Variants in AGAP1 observed in about 807,000 individuals in gnomAD.
AGAP1 encodes ArfGAP with GTPase domain, ankyrin repeat and PH domain 1.
Under a neutral mutation model 105.3 loss-of-function variants are expected in AGAP1, and 29 were observed. The observed-to-expected ratio is 0.28, with a 90% CI of 0.21 to 0.38. The LOEUF (loss-of-function observed/expected upper bound fraction) is 0.38. AGAP1 is among the 10% of genes least tolerant of loss of function. AGAP1 has a pLI of 1.00. For missense variants in AGAP1, 998 were observed against 1,165.1 expected (o/e 0.86, Z 2.09); for synonymous variants, 509 against 485.9 (o/e 1.05, Z -0.63).
intron 1 of AGAP1, among the ~76,000 whole-genome samples, chr2:235,511,918 GT>G (rs1271619360): frequency 6.6e-6 from 1 of 151,250 alleles, no homozygotes; most frequent in East Asian, 2.0e-4. Context: ...ATGTGGATGT[GT>G]GTGAATGTGT....
rs1167936281 is a variant in AGAP1 at position 236,050,877 on chromosome 2, T to C, written c.2114+1596T>C. On this transcript the variant is annotated intron_variant, in intron 16 of 17. Transcript: ENST00000304032. This position sits in a 1 kb window ranked among gnomAD's most constrained non-coding sequence, Gnocchi z 4.0. The stretch of plus-strand genomic sequence containing the variant: ...GGTTCATGTTTTACCTGATAAATGT[T>C]TTATAATTTCATCTTCATTCATAAA... 6.6e-6 allele frequency among the ~76,000 whole-genome samples: 1 copy of C among 152,250 alleles called. No homozygotes were observed. The highest frequency in any genetic ancestry group is 6.5e-5 in the Admixed American group (1 of 15,288).
chr2:235,913,202 A>G (rs2051703035), intron 11 of AGAP1, among the ~76,000 whole-genome samples: 1 of 152,176 alleles, frequency 6.6e-6, no homozygotes, highest in South Asian at 2.1e-4. Context: ...CACAGTTTAC[A>G]TATATATACT....
intron 11 of AGAP1, among the ~76,000 whole-genome samples, chr2:235,929,602 C>T (rs994554424): frequency 1.3e-5 from 2 of 150,800 alleles, no homozygotes; most frequent in African/African-American, 4.9e-5. Flanking sequence ...CGCTTCAGCT[C>T]GTGGTTCCGT....
At chr2:236,006,945 G>A (rs1290203910) in intron 13 of AGAP1, among the ~76,000 whole-genome samples, 1 of 152,116 alleles carries the variant, frequency 6.6e-6, no homozygotes, top group Non-Finnish European at 1.5e-5. Flanking sequence ...TGTTGTGTTA[G>A]CCCTGCAGTG....
chr2:236,115,421 GTC>G (rs1345317381), intron 16 of AGAP1, among the ~76,000 whole-genome samples: 2 of 152,234 alleles, frequency 1.3e-5, no homozygotes, highest in East Asian at 1.9e-4. Context: ...ATAAGCCACA[GTC>G]TCTCTAATGC....
intron 6 of AGAP1, among the ~76,000 whole-genome samples, chr2:235,761,011 A>G (rs1044863278): frequency 1.3e-5 from 2 of 152,248 alleles, no homozygotes; most frequent in Admixed American, 6.5e-5. Context: ...TCCATACGCT[A>G]CAGATGGCAC....
intron 16 of AGAP1, among the ~76,000 whole-genome samples, chr2:236,094,305 A>C (rs76366503): frequency 6.6e-6 from 1 of 151,940 alleles, no homozygotes; most frequent in Non-Finnish European, 1.5e-5. Context: ...AAAAAAAAAA[A>C]ATTGCAAATA....
In AGAP1 at chr2:235,963,945, A is replaced by C. The variant is rs532212659; in HGVS notation, c.1484-4517A>C. On this transcript the variant is annotated intron_variant, in intron 12 of 17. Transcript: ENST00000304032. The surrounding 1 kb of genome is among the most constrained non-coding windows in gnomAD (Gnocchi z 5.1). ...GAGTGTCTTCGAAATAGCGGTGTAC[A>C]CTCATAAAAACAACCGCTGGATAAC... Among the ~76,000 whole-genome samples, 117 of 144,824 alleles carry C rather than the reference A, an allele frequency of 8.1e-4. No individual in the cohort carries two copies. The highest frequency in any genetic ancestry group is 3.4e-3 in the African/African-American group (116 of 34,474).
chr2:235,824,391 C>T lies in AGAP1; in HGVS notation c.1050+17060C>T, dbSNP rs1173271195. 6.6e-6 allele frequency among the ~76,000 whole-genome samples: 1 copy of T among 152,176 alleles called. No homozygotes were observed. Among genetic ancestry groups the T allele is most frequent in the African/African-American group, 2.4e-5 (1 of 41,416 alleles). On this transcript the variant is annotated intron_variant, in intron 9 of 17. Coordinates refer to ENST00000304032, the MANE Select transcript of AGAP1 (RefSeq NM_001037131.3). This position sits in a 1 kb window ranked among gnomAD's most constrained non-coding sequence, Gnocchi z 5.2. The stretch of plus-strand genomic sequence containing the variant: ...GGTCTTGCAAATTGGTAACTGGTAG[C>T]TACCAGTGTAATTAAATATTTCAGA...
At position 236,005,982 on chromosome 2, in the gene AGAP1, C is replaced by A. The variant is rs986559494; in HGVS notation, c.1646-30579C>A. ...TGCACTTAAGGAGTTGGGCGTTAGA[C>A]CCCCTGTCCTTGAGGGTGGGGTGTC... On this transcript the variant is annotated intron_variant, in intron 13 of 17. Transcript: ENST00000304032. This position sits in a 1 kb window ranked among gnomAD's most constrained non-coding sequence, Gnocchi z 4.1. Among the ~76,000 whole-genome samples, 1 of 152,184 alleles carries A rather than the reference C, an allele frequency of 6.6e-6. No homozygotes were observed. The highest frequency in any genetic ancestry group is 2.4e-5 in the African/African-American group (1 of 41,430).
At position 235,864,672 on chromosome 2, in the gene AGAP1, C is replaced by T. The variant is rs898484259; in HGVS notation, c.1051-18673C>T. ...AGAGTGAAAGGAAAGAAAAACGAGG[C>T]GATCAAGAGATAATATTAACTAGAA... On this transcript the variant is annotated intron_variant, in intron 9 of 17. Transcript: ENST00000304032. The surrounding 1 kb of genome is among the most constrained non-coding windows in gnomAD (Gnocchi z 5.0). Among the ~76,000 whole-genome samples, 3 of 152,072 alleles carry T rather than the reference C, an allele frequency of 2.0e-5. No homozygotes were observed. The East Asian group carries it at 5.8e-4, about 29-fold the overall frequency.
In AGAP1 at chr2:236,014,670, C is replaced by T. The variant is rs2125575698; in HGVS notation, c.1646-21891C>T. 2.9e-6 allele frequency: 1 copy of T among 344,462 alleles called. No individual in the cohort carries two copies. The highest frequency in any genetic ancestry group is 2.3e-5 in the South Asian group (1 of 44,162). 21.3% of individuals were successfully genotyped at this position (344,462 alleles called of 1,614,324 possible). A position where few individuals can be genotyped will look rare whatever the true frequency, so the allele number is the denominator to read the frequency against. On this transcript the variant is annotated intron_variant, in intron 13 of 17. Coordinates refer to ENST00000304032, the MANE Select transcript of AGAP1 (RefSeq NM_001037131.3). The surrounding 1 kb of genome is among the most constrained non-coding windows in gnomAD (Gnocchi z 6.3). ...GCCCAGGGAGCTCCATGGCACCCAC[C>T]CGCTTCGCGCAGACAGCTCGGAGGC...
At chr2:235,876,842 G>A (rs2049765600) in intron 9 of AGAP1, among the ~76,000 whole-genome samples, 1 of 143,048 alleles carries the variant, frequency 7.0e-6, no homozygotes, top group Admixed American at 7.1e-5. Context: ...GAGTGGTGTG[G>A]AACCTTTTTT....
Position 235,951,003 on chromosome 2 carries a change from C to A in AGAP1, c.1484-17459C>A, listed in dbSNP as rs78115978. Among the ~76,000 whole-genome samples the A allele has an allele frequency of 0.024, 3,528 of 145,744 alleles. 147 individuals are homozygous for A. The highest frequency in any genetic ancestry group is 0.082 in the African/African-American group (3,338 of 40,500). On this transcript the variant is annotated intron_variant, in intron 12 of 17. Transcript: ENST00000304032. The surrounding 1 kb of genome is among the most constrained non-coding windows in gnomAD (Gnocchi z 4.2). ...TGCAAACAAAGTCAGTTCTTTTTTACAAAAAGAATATTCTAATAGTATCTA... is the reference window on the plus strand; with the variant it reads ...TGCAAACAAAGTCAGTTCTTTTTTAAAAAAAGAATATTCTAATAGTATCTA...
At chr2:235,940,745 A>G (rs187963988) in intron 12 of AGAP1, among the ~76,000 whole-genome samples, 2 of 152,284 alleles carry the variant, frequency 1.3e-5, no homozygotes, top group African/African-American at 4.8e-5. Context: ...ATCTGTCACT[A>G]TCTGAAATGA....
intron 1 of AGAP1, among the ~76,000 whole-genome samples, chr2:235,514,939 C>T (rs570526244): frequency 1.5e-3 from 232 of 152,282 alleles, no homozygotes; most frequent in African/African-American, 4.8e-3. Flanking sequence ...GGCCTGCAGC[C>T]GTATTGGTCA....
Position 235,958,721 on chromosome 2 carries a change from C to T in AGAP1, c.1484-9741C>T, listed in dbSNP as rs1314087427. Among the ~76,000 whole-genome samples the T allele has an allele frequency of 1.3e-5, 2 of 152,106 alleles. No homozygotes were observed. The highest frequency in any genetic ancestry group is 4.8e-5 in the African/African-American group (2 of 41,402). On this transcript the variant is annotated intron_variant, in intron 12 of 17. Coordinates refer to ENST00000304032, the MANE Select transcript of AGAP1 (RefSeq NM_001037131.3). This position sits in a 1 kb window ranked among gnomAD's most constrained non-coding sequence, Gnocchi z 4.1. The stretch of plus-strand genomic sequence containing the variant: ...GATTGTAAAATAAGTTATGAGTGTC[C>T]TTGGGCCTGTCTGCCGGAATGATAG...
intron 6 of AGAP1, among the ~76,000 whole-genome samples, chr2:235,784,580 CTT>C (rs1956493333): frequency 8.2e-6 from 1 of 121,304 alleles, no homozygotes; most frequent in Non-Finnish European, 1.6e-5. Context: ...AATTGATAAA[CTT>C]AATTTCTTAT....
At position 235,904,438 on chromosome 2, in the gene AGAP1, A is replaced by T. The variant is rs1309790080; in HGVS notation, c.1156-4300A>T. Among the ~76,000 whole-genome samples, 2 of 152,102 alleles carry T rather than the reference A, an allele frequency of 1.3e-5. No homozygotes were observed. Among genetic ancestry groups the T allele is most frequent in the Admixed American group, 6.5e-5 (1 of 15,280 alleles). On this transcript the variant is annotated intron_variant, in intron 10 of 17. Transcript: ENST00000304032. This position sits in a 1 kb window ranked among gnomAD's most constrained non-coding sequence, Gnocchi z 4.2. ...TTTTCAAGCTGTTGAGGGGCAGGAG[A>T]TGGCACCTCTGGGGGGCCTGGCTCT...
Sources: allele counts gnomAD v4.1 joint callset (sites outside exome capture counted in the v4.1 genomes callset), GRCh38; gene constraint gnomAD v4.1.1; non-coding constraint Gnocchi (gnomAD v3.1); transcripts MANE v1.5; gene names NCBI Gene and HGNC (gene_info 2026-07-23, HGNC 2026-07-21).